NR3C1: variants seen among roughly 807,000 people sequenced by gnomAD.
NR3C1 encodes nuclear receptor subfamily 3 group C member 1.
A neutral mutation model predicts 74.0 loss-of-function variants in NR3C1; 14 were observed. The observed-to-expected ratio is 0.19, with a 90% confidence interval of 0.12 to 0.30. The LOEUF is 0.30. Among genes scored for constraint, NR3C1 ranks in the 10% least tolerant of loss-of-function variants. The pLI is 1.00. For missense variants in NR3C1, 695 were observed against 909.8 expected (o/e 0.76, Z 3.04); for synonymous variants, 308 against 332.5 (o/e 0.93, Z 0.80).
intron 2 of NR3C1, among the ~76,000 whole-genome samples, chr5:143,386,061 C>T (rs1383307808): frequency 1.3e-5 from 2 of 152,206 alleles, no homozygotes; most frequent in African/African-American, 4.8e-5. Context: ...GAAACTTACA[C>T]TCACAGTGGA....
rs543870464 is a variant in NR3C1 at position 143,323,875 on chromosome 5, T to C, written c.1185-9707A>G. Among the ~76,000 whole-genome samples, 853 of 152,214 alleles carry C rather than the reference T, an allele frequency of 5.6e-3. 9 individuals are homozygous for C. The highest frequency in any genetic ancestry group is 0.039 in the Admixed American group (593 of 15,286). ...AAAGGGGTTACGGGGCCCATGCAAG[T>C]CTGAAATCCAGTGAGTTAGTCAAAT... On this transcript the variant is annotated intron_variant, in intron 2 of 8. Coordinates refer to ENST00000394464, the MANE Select transcript of NR3C1 (RefSeq NM_000176.3).
chr5:143,283,791 T>C (rs1053124574), intron 7 of NR3C1, among the ~76,000 whole-genome samples: 3 of 152,326 alleles, frequency 2.0e-5, no homozygotes, highest in South Asian at 4.1e-4. Context: ...ATTAGGACTT[T>C]TGTAGAGTGC....
intron 2 of NR3C1, among the ~76,000 whole-genome samples, chr5:143,363,076 G>A (rs1402949262): frequency 6.6e-6 from 1 of 152,198 alleles, no homozygotes; most frequent in Non-Finnish European, 1.5e-5. Context: ...AACTCCCTGG[G>A]TAAGAGTTCA....
rs773937560 is a variant in NR3C1, at chr5:143,343,223, C to G, written c.1185-29055G>C. Reference sequence around the variant, plus strand: ...CCCAGAACTAGGAAATGGGCAACTACTGGGATTCCAGATATCTTTCTATCA... The same window carrying G: ...CCCAGAACTAGGAAATGGGCAACTAGTGGGATTCCAGATATCTTTCTATCA... On this transcript the variant is annotated intron_variant, in intron 2 of 8. Coordinates refer to ENST00000394464, the MANE Select transcript of NR3C1 (RefSeq NM_000176.3). 2.8e-4 allele frequency among the ~76,000 whole-genome samples: 43 copies of G among 152,220 alleles called. 1 individual carries two copies. The highest frequency in any genetic ancestry group is 4.7e-4 in the Non-Finnish European group (32 of 68,040).
At chr5:143,324,945 A>G (rs1824237301) in intron 2 of NR3C1, among the ~76,000 whole-genome samples, 1 of 152,280 alleles carries the variant, frequency 6.6e-6, no homozygotes, top group East Asian at 1.9e-4. Flanking sequence ...TCCATCTGAG[A>G]CCACCTCAGC....
intron 2 of NR3C1, among the ~76,000 whole-genome samples, chr5:143,357,779 T>C (rs971434414): frequency 6.6e-6 from 1 of 152,258 alleles, no homozygotes; most frequent in Non-Finnish European, 1.5e-5. Flanking sequence ...CATATCTTCA[T>C]AACTGCATTG....
intron 2 of NR3C1, among the ~76,000 whole-genome samples, chr5:143,321,554 C>G (rs146617748): frequency 6.6e-6 from 1 of 152,292 alleles, no homozygotes; most frequent in East Asian, 1.9e-4. Flanking sequence ...TGCTAAAACT[C>G]TTTTCTCAAC....
chr5:143,393,748 A>G (rs1400643410), intron 2 of NR3C1, among the ~76,000 whole-genome samples: 2 of 152,132 alleles, frequency 1.3e-5, no homozygotes, highest in African/African-American at 2.4e-5. Flanking sequence ...TGAAATAATA[A>G]ATCATGTAGT....
intron 1 of NR3C1, among the ~76,000 whole-genome samples, chr5:143,424,092 T>C (rs1448418854): frequency 2.7e-5 from 4 of 149,674 alleles, no homozygotes; most frequent in Admixed American, 6.6e-5. Context: ...GGGATAGCAT[T>C]GGGAGATATA....
At chr5:143,406,435 TTC>T (rs546733369), upstream of NR3C1, among the ~76,000 whole-genome samples, 79 of 152,240 alleles carry the variant, frequency 5.2e-4, 2 homozygotes, top group East Asian at 0.013. Context: ...TTATCCTAAT[TTC>T]TCTCTTCAGC....
intron 1 of NR3C1, among the ~76,000 whole-genome samples, chr5:143,419,083 A>C (rs1751074552): frequency 6.6e-6 from 1 of 152,224 alleles, no homozygotes; most frequent in Non-Finnish European, 1.5e-5. Flanking sequence ...GGAAATGCTC[A>C]TTGGAACATT....
At chr5:143,371,140 TTAAAAA>T (rs1235232834) in intron 2 of NR3C1, among the ~76,000 whole-genome samples, 1 of 152,318 alleles carries the variant, frequency 6.6e-6, no homozygotes, top group South Asian at 2.1e-4. Context: ...ATTGTGGTCC[TTAAAAA>T]TAAAATGTTT....
At chr5:143,313,702 T>C (rs543813981) in intron 3 of NR3C1, among the ~76,000 whole-genome samples, 1 of 152,360 alleles carries the variant, frequency 6.6e-6, no homozygotes, top group African/African-American at 2.4e-5. Context: ...ATGAACATTA[T>C]GTTATGCCCA....
At chr5:143,319,344 T>C (rs1367759390) in intron 2 of NR3C1, among the ~76,000 whole-genome samples, 1 of 152,198 alleles carries the variant, frequency 6.6e-6, no homozygotes, top group Non-Finnish European at 1.5e-5. Context: ...ATTGGCTTAG[T>C]CTTCAATTTA....
In NR3C1 at chr5:143,314,186, C is replaced by G. The variant is rs761052379; in HGVS notation, c.1185-18G>C. The G allele has an allele frequency of 8.1e-6, 13 of 1,612,686 alleles. No individual in the cohort carries two copies. The South Asian group carries it at 1.4e-4, about 18-fold the overall frequency. The stretch of plus-strand genomic sequence containing the variant: ...TGCTGGGGCTAAAGAAGGGGAAGAA[C>G]AGTGTTATGATTTAACTGTCAAAGG... On this transcript the variant is annotated intron_variant, in intron 2 of 8. Coordinates refer to ENST00000394464, the MANE Select transcript of NR3C1 (RefSeq NM_000176.3).
chr5:143,379,951 A>T (rs1033595833), intron 2 of NR3C1, among the ~76,000 whole-genome samples: 1 of 152,210 alleles, frequency 6.6e-6, no homozygotes, highest in African/African-American at 2.4e-5. Context: ...CTAAACTGTT[A>T]ATATGGAAGG....
At chr5:143,421,791 C>CA (rs35555700) in intron 1 of NR3C1, among the ~76,000 whole-genome samples, 27,487 of 146,734 alleles carry the variant, frequency 0.19, 2,680 homozygotes, top group Middle Eastern at 0.35. Context: ...GACTCTATCT[C>CA]AAAAAAAAAA....
chr5:143,377,399 A>G lies in NR3C1; in HGVS notation c.1184+22257T>C, dbSNP rs574416465. The stretch of plus-strand genomic sequence containing the variant: ...TGATACTTGACCCAGAGGAGATGTG[A>G]ATTTGCATAAGGAAGAATCATCTGA... On this transcript the variant is annotated intron_variant, in intron 2 of 8. Coordinates refer to ENST00000394464, the MANE Select transcript of NR3C1 (RefSeq NM_000176.3). Among the ~76,000 whole-genome samples the G allele has an allele frequency of 2.1e-4, 32 of 152,302 alleles. No individual in the cohort carries two copies. In the South Asian group the frequency reaches 5.8e-3, roughly 28 times the overall value.
At chr5:143,427,586 G>A (rs1281174941) in intron 1 of NR3C1, among the ~76,000 whole-genome samples, 1 of 152,226 alleles carries the variant, frequency 6.6e-6, no homozygotes, top group East Asian at 1.9e-4. Flanking sequence ...AAACAAACAT[G>A]GAGGACCTGC....
Sources: gnomAD v4.1 joint callset for allele counts (sites outside exome capture counted in the v4.1 genomes callset) on GRCh38, gnomAD v4.1.1 for gene constraint, MANE v1.5 for transcripts, NCBI Gene and HGNC (gene_info 2026-07-23, HGNC 2026-07-21) for gene names.